FOXN2: variants seen among roughly 807,000 people sequenced by gnomAD.
FOXN2 encodes forkhead box N2.
Under a neutral mutation model 41.2 loss-of-function variants are expected in FOXN2, and 19 were observed. The ratio of observed to expected loss-of-function variants is 0.46; its 90% CI spans 0.32 to 0.68. FOXN2 has a LOEUF of 0.68. FOXN2 is among the 30% of genes least tolerant of loss of function. FOXN2 has a pLI of 0.03. For missense variants in FOXN2, 587 were observed against 509.4 expected (o/e 1.15, Z -1.47); for synonymous variants, 195 against 176.8 (o/e 1.10, Z -0.82).
chr2:48,333,819 A>G (rs1487929419), intron 2 of FOXN2, among the ~76,000 whole-genome samples: 1 of 152,164 alleles, frequency 6.6e-6, no homozygotes, highest in African/African-American at 2.4e-5. Context: ...TACTGTAAAT[A>G]TACATTTTGC....
chr2:48,341,794 T>C (rs1369095353), intron 2 of FOXN2, among the ~76,000 whole-genome samples: 3 of 152,222 alleles, frequency 2.0e-5, no homozygotes, highest in African/African-American at 7.2e-5. Context: ...TGTTGTTGTT[T>C]GGTAGTACAA....
At chr2:48,363,015 C>G (rs1398564803) in intron 5 of FOXN2, among the ~76,000 whole-genome samples, 1 of 152,102 alleles carries the variant, frequency 6.6e-6, no homozygotes, top group African/African-American at 2.4e-5. Flanking sequence ...ATACTTTTTA[C>G]TGTTATTTTT....
chr2:48,327,578 T>C (rs1341255375), intron 1 of FOXN2, among the ~76,000 whole-genome samples: 1 of 152,166 alleles, frequency 6.6e-6, no homozygotes, highest in East Asian at 1.9e-4. Context: ...CCCAAGTAGC[T>C]GGGATTACAG....
intron 4 of FOXN2, among the ~76,000 whole-genome samples, chr2:48,360,269 G>A (rs1424971920): frequency 6.6e-6 from 1 of 151,930 alleles, no homozygotes; most frequent in Non-Finnish European, 1.5e-5. Flanking sequence ...CCCAGATTTG[G>A]TTAAAATACT....
At chr2:48,324,506 ATTTT>A (rs978751173) in intron 1 of FOXN2, among the ~76,000 whole-genome samples, 1 of 151,358 alleles carries the variant, frequency 6.6e-6, no homozygotes, top group African/African-American at 2.4e-5. Context: ...CATCCTTCAA[ATTTT>A]TTTTTGTTTC....
At chr2:48,315,950 A>C (rs986119739) in intron 1 of FOXN2, among the ~76,000 whole-genome samples, 2 of 152,202 alleles carry the variant, frequency 1.3e-5, no homozygotes, top group African/African-American at 4.8e-5. Context: ...CTCCGAGGTG[A>C]GGGGAGGAGG....
chr2:48,341,730 T>A (rs950857251), intron 2 of FOXN2, among the ~76,000 whole-genome samples: 1 of 152,238 alleles, frequency 6.6e-6, no homozygotes, highest in African/African-American at 2.4e-5. Flanking sequence ...TGTACCGTAC[T>A]GTCTTTTCAG....
chr2:48,329,589 T>G (rs1423833830), intron 2 of FOXN2, among the ~76,000 whole-genome samples: 2 of 152,186 alleles, frequency 1.3e-5, no homozygotes, highest in Non-Finnish European at 2.9e-5. Flanking sequence ...CACCTAAATC[T>G]GTGACCAAGA....
chr2:48,318,930 T>G lies in FOXN2; in HGVS notation c.-157+4116T>G, dbSNP rs376810387. Among the ~76,000 whole-genome samples the G allele has an allele frequency of 1.5e-3, 236 of 152,334 alleles. 7 individuals carry two copies. The South Asian group carries it at 0.047, about 30-fold the overall frequency. ...GAATATATGTTATTAGCATAAAGTTTAAATATATGTACCATAAAAATAGCC... is the reference window on the plus strand; with the variant it reads ...GAATATATGTTATTAGCATAAAGTTGAAATATATGTACCATAAAAATAGCC... On this transcript the variant is annotated intron_variant, in intron 1 of 6. Coordinates refer to ENST00000340553, the MANE Select transcript of FOXN2 (RefSeq NM_002158.4).
At chr2:48,341,399 T>G (rs1442026131) in intron 2 of FOXN2, among the ~76,000 whole-genome samples, 5 of 152,176 alleles carry the variant, frequency 3.3e-5, no homozygotes, top group Non-Finnish European at 2.9e-5. Context: ...CACACTAAAA[T>G]TGTGCACAGC....
chr2:48,340,668 A>G (rs1042280628), intron 2 of FOXN2: 1 of 151,862 alleles, frequency 6.6e-6, no homozygotes, highest in Non-Finnish European at 1.5e-5. Flanking sequence ...TTCTTATTTT[A>G]TTTATTTATT....
chr2:48,327,759 A>G (rs915587220), intron 1 of FOXN2, among the ~76,000 whole-genome samples: 2 of 152,216 alleles, frequency 1.3e-5, no homozygotes, highest in African/African-American at 4.8e-5. Context: ...ATAGTCTTTA[A>G]TAACATTAAT....
At position 48,362,682 on chromosome 2, in the gene FOXN2, G is replaced by A. The variant is rs1312509621; in HGVS notation, c.678G>A (p.Lys226=). The change falls in exon 5 of 7, where the codon AAG becomes AAA. Residue 226 remains lysine (K), a synonymous_variant. Coordinates refer to ENST00000340553, the MANE Select transcript of FOXN2 (RefSeq NM_002158.4). ...CTCACTATTTAAGCTCTGTAATCAA[G>A]CAGAACCAGGTGCGAAACCTCAAAG... ...LSPHYLSSVI[K]QNQVRNLKES... 6.2e-7 allele frequency: 1 copy of A among 1,614,032 alleles called. No homozygotes were observed. The highest frequency in any genetic ancestry group is 1.3e-5 in the African/African-American group (1 of 75,020).
At chr2:48,369,670 G>A (rs1309125433) in intron 5 of FOXN2, among the ~76,000 whole-genome samples, 5 of 151,934 alleles carry the variant, frequency 3.3e-5, no homozygotes, top group Admixed American at 2.0e-4. Flanking sequence ...TTATTTTACC[G>A]TCACCTTCCT....
rs775131829 is a variant in FOXN2 at position 48,346,262 on chromosome 2, A to G, written c.48A>G (p.Pro16=). Residue 16 remains proline (P), a synonymous_variant, in exon 3 of 7, where the codon CCA becomes CCG. Coordinates refer to ENST00000340553, the MANE Select transcript of FOXN2 (RefSeq NM_002158.4). The part of the protein sequence containing the change: ...GMTPDKRAET[P]GAEKIAGLSQ... ...CTCCAGATAAGAGAGCTGAAACCCC[A>G]GGAGCTGAAAAGATTGCAGGATTAA... The G allele has an allele frequency of 3.7e-6, 6 of 1,614,010 alleles. No individual in the cohort carries two copies. Among genetic ancestry groups the G allele is most frequent in the Admixed American group, 1.7e-5 (1 of 59,972 alleles).
intron 4 of FOXN2, among the ~76,000 whole-genome samples, chr2:48,359,617 C>CT (rs201285442): frequency 0.013 from 1,900 of 149,880 alleles, 20 homozygotes; most frequent in Non-Finnish European, 0.02. Flanking sequence ...CTTTTCTTTT[C>CT]TTTTCTTTTT....
intron 3 of FOXN2, among the ~76,000 whole-genome samples, chr2:48,351,592 CA>C (rs1671451807): frequency 6.6e-6 from 1 of 152,146 alleles, no homozygotes; most frequent in Admixed American, 6.5e-5. Context: ...CACCTCAGAT[CA>C]TCAGGCATTA....
chr2:48,338,506 A>T (rs1375336438), intron 2 of FOXN2, among the ~76,000 whole-genome samples: 1 of 151,632 alleles, frequency 6.6e-6, no homozygotes, highest in African/African-American at 2.4e-5. Context: ...GGTTCACGCC[A>T]TTCTCCTGCC....
chr2:48,315,304 G>C (rs919334926), intron 1 of FOXN2, among the ~76,000 whole-genome samples: 6 of 152,160 alleles, frequency 3.9e-5, no homozygotes, highest in Non-Finnish European at 7.4e-5. Flanking sequence ...CGGAGTCCTC[G>C]TCCGGCCCCA....
Sources: allele counts gnomAD v4.1 joint callset (sites outside exome capture counted in the v4.1 genomes callset), GRCh38; gene constraint gnomAD v4.1.1; transcripts MANE v1.5; gene names NCBI Gene and HGNC (gene_info 2026-07-23, HGNC 2026-07-21).